Variants in KIF26B observed in about 807,000 individuals in gnomAD.
The protein encoded by KIF26B is kinesin family member 26B.
Under a neutral mutation model 151.2 loss-of-function variants are expected in KIF26B, and 63 were observed. The ratio of observed to expected loss-of-function variants is 0.42; its 90% CI spans 0.34 to 0.51. The LOEUF (loss-of-function observed/expected upper bound fraction) is 0.51. Ranked by LOEUF, KIF26B falls within the 20% of genes least tolerant of loss-of-function variation. The pLI, the probability that KIF26B is intolerant of heterozygous loss-of-function variation, is 0.07. For synonymous variants in KIF26B, 1,357 were observed against 1,262.1 expected (o/e 1.08, Z -1.59); for missense variants, 2,813 against 2,913.6 (o/e 0.97, Z 0.79).
chr1:245,454,200 C>G (rs1172901980), intron 4 of KIF26B, among the ~76,000 whole-genome samples: 1 of 152,238 alleles, frequency 6.6e-6, no homozygotes, highest in Non-Finnish European at 1.5e-5. Context: ...TATACAGAGT[C>G]TCCTTATCTT....
chr1:245,329,044 G>C (rs1010753853), intron 2 of KIF26B, among the ~76,000 whole-genome samples: 1 of 152,138 alleles, frequency 6.6e-6, no homozygotes, highest in Non-Finnish European at 1.5e-5. Context: ...TAAAATGAGG[G>C]CATCTGGATA....
At chr1:245,653,646 C>T (rs893602052) in intron 10 of KIF26B, among the ~76,000 whole-genome samples, 1 of 152,130 alleles carries the variant, frequency 6.6e-6, no homozygotes, top group Non-Finnish European at 1.5e-5. Flanking sequence ...CAGTTTATCA[C>T]CCCCCACCGA....
In KIF26B at chr1:245,273,189, G is replaced by A. The variant is rs112670263; in HGVS notation, c.466-93645G>A. On this transcript the variant is annotated intron_variant, in intron 2 of 14. Coordinates refer to ENST00000407071, the MANE Select transcript of KIF26B (RefSeq NM_018012.4). ...AGCACTTTGGGAGGCCGAGGTGGGC[G>A]GATCACTTGAGGTCAGGAGTTTGAG... is the stretch of plus-strand genomic sequence containing the variant. Among the ~76,000 whole-genome samples, 36 of 152,028 alleles carry A rather than the reference G, an allele frequency of 2.4e-4. 1 individual carries two copies. Among genetic ancestry groups the A allele is most frequent in the African/African-American group, 7.2e-4 (30 of 41,492 alleles).
intron 10 of KIF26B, among the ~76,000 whole-genome samples, chr1:245,678,670 T>G (rs1308758878): frequency 6.6e-6 from 1 of 152,002 alleles, no homozygotes; most frequent in Non-Finnish European, 1.5e-5. Flanking sequence ...GAGACCATCG[T>G]GGCCAACATG....
At chr1:245,575,271 T>G (rs2043108152) in intron 5 of KIF26B, among the ~76,000 whole-genome samples, 1 of 151,780 alleles carries the variant, frequency 6.6e-6, no homozygotes, top group South Asian at 2.1e-4. Flanking sequence ...TGTCAGGAGT[T>G]CGAGACCAGC....
At chr1:245,343,688 C>T (rs536538239) in intron 2 of KIF26B, among the ~76,000 whole-genome samples, 45 of 152,246 alleles carry the variant, frequency 3.0e-4, no homozygotes, top group Middle Eastern at 3.4e-3. Flanking sequence ...CAGTGCTTGA[C>T]GGTTTTGACA....
intron 4 of KIF26B, among the ~76,000 whole-genome samples, chr1:245,438,793 T>C (rs1330882158): frequency 1.3e-5 from 2 of 152,188 alleles, no homozygotes; most frequent in Non-Finnish European, 2.9e-5. Context: ...ATCCCACCTC[T>C]ACAGATGGAA....
At chr1:245,593,203 G>A (rs2043307375) in intron 5 of KIF26B, among the ~76,000 whole-genome samples, 1 of 151,986 alleles carries the variant, frequency 6.6e-6, no homozygotes, top group South Asian at 2.1e-4. Flanking sequence ...TTCAGTTCTG[G>A]GATACATGTA....
At position 245,685,770 on chromosome 1, in the gene KIF26B, G is replaced by T. The variant is rs2044504809; in HGVS notation, c.2787G>T (p.Leu929=). The T allele has an allele frequency of 6.2e-7, 1 of 1,612,002 alleles. No individual in the cohort carries two copies. Among genetic ancestry groups the T allele is most frequent in the Admixed American group, 1.7e-5 (1 of 59,984 alleles). ...TGAAGTGCAACACGTTTGCCGAGCT[G>T]CAGGAGAGGCTGGACTGCATCGACG... is the stretch of plus-strand genomic sequence containing the variant. ...DCLKCNTFAE[L]QERLDCIDGS... Residue 929 remains leucine (L), a synonymous_variant, in exon 12 of 15, where the codon CTG becomes CTT. Transcript: ENST00000407071.
At position 245,686,533 on chromosome 1, in the gene KIF26B, G is replaced by A. The variant is rs201404443; in HGVS notation, c.3550G>A (p.Gly1184Ser). ...VTVQQPLELN[G>S]EDELVFTLVE... Reference sequence around the variant, plus strand: ...GGTGCAGCAGCCACTGGAGCTGAACGGTGAGGACGAGCTGGTGTTCACGCT... The same window carrying A: ...GGTGCAGCAGCCACTGGAGCTGAACAGTGAGGACGAGCTGGTGTTCACGCT... The change falls in exon 12 of 15, where the codon GGT (glycine) becomes AGT (serine). Residue 1184 changes from glycine (G) to serine (S), a missense_variant. This residue lies in a region of KIF26B where 2,060 missense variants were observed against 2,088.6 expected (regional missense o/e 0.99). Transcript: ENST00000407071. This position sits in a 1 kb window ranked among gnomAD's most constrained non-coding sequence, Gnocchi z 5.6. The A allele has an allele frequency of 7.3e-5, 118 of 1,613,126 alleles. 1 individual carries two copies. Among genetic ancestry groups the A allele is most frequent in the Admixed American group, 6.8e-4 (41 of 60,022 alleles).
intron 2 of KIF26B, among the ~76,000 whole-genome samples, chr1:245,191,294 G>A (rs1669105102): frequency 6.6e-6 from 1 of 151,646 alleles, no homozygotes; most frequent in African/African-American, 2.4e-5. Flanking sequence ...GGCCAACATG[G>A]TGAAACCCCA....
intron 2 of KIF26B, among the ~76,000 whole-genome samples, chr1:245,311,931 G>T (rs1157406117): frequency 6.6e-6 from 1 of 152,166 alleles, no homozygotes; most frequent in Non-Finnish European, 1.5e-5. Flanking sequence ...CTCCATCTCA[G>T]AAAAAGAAAC....
intron 10 of KIF26B, among the ~76,000 whole-genome samples, chr1:245,669,014 C>T (rs903020416): frequency 2.6e-5 from 4 of 152,168 alleles, no homozygotes; most frequent in Admixed American, 6.5e-5. Flanking sequence ...CTTTAAACCA[C>T]ACATGATACC....
At chr1:245,381,666 C>T (rs1263680449) in intron 3 of KIF26B, among the ~76,000 whole-genome samples, 1 of 152,156 alleles carries the variant, frequency 6.6e-6, no homozygotes, top group African/African-American at 2.4e-5. Context: ...CACCATCCAT[C>T]CACCTCCAGA....
chr1:245,662,384 C>CAT (rs1352543927), intron 10 of KIF26B, among the ~76,000 whole-genome samples: 5 of 71,718 alleles, frequency 7.0e-5, no homozygotes, highest in Admixed American at 1.5e-4. Context: ...ACACACACAC[C>CAT]ATATATATAT....
chr1:245,232,592 G>A (rs1000294659), intron 2 of KIF26B, among the ~76,000 whole-genome samples: 30 of 146,780 alleles, frequency 2.0e-4, no homozygotes, highest in Non-Finnish European at 3.0e-4. Context: ...CTCTTGTTGC[G>A]CAGGCAGGAG....
intron 2 of KIF26B, among the ~76,000 whole-genome samples, chr1:245,356,590 A>C (rs1672706433): frequency 6.6e-6 from 1 of 151,812 alleles, no homozygotes; most frequent in Non-Finnish European, 1.5e-5. Flanking sequence ...TTCCTAAGAA[A>C]GATGAAGCTA....
intron 2 of KIF26B, among the ~76,000 whole-genome samples, chr1:245,328,807 C>T (rs566264369): frequency 6.6e-6 from 1 of 152,304 alleles, no homozygotes; most frequent in East Asian, 1.9e-4. Context: ...AGTTGTCGCT[C>T]ATCGAGAACT....
At chr1:245,339,504 A>C (rs1672296045) in intron 2 of KIF26B, among the ~76,000 whole-genome samples, 1 of 152,170 alleles carries the variant, frequency 6.6e-6, no homozygotes, top group Non-Finnish European at 1.5e-5. Flanking sequence ...TAAGGAAGAC[A>C]AGTTTCTGAG....
Sources: gnomAD v4.1 joint callset for allele counts (sites outside exome capture counted in the v4.1 genomes callset) on GRCh38, gnomAD v4.1.1 for gene constraint, gnomAD v4.1.1 regional missense constraint, Gnocchi (gnomAD v3.1) non-coding constraint, MANE v1.5 for transcripts, NCBI Gene and HGNC (gene_info 2026-07-23, HGNC 2026-07-21) for gene names.